The following IKBKB variants were observed in gnomAD, a reference collection of about 807,000 sequenced individuals.
IKBKB encodes the protein inhibitor of nuclear factor kappa-B kinase subunit beta.
A neutral mutation model predicts 113.6 loss-of-function variants in IKBKB; 42 were observed. The observed-to-expected ratio is 0.37, with a 90% confidence interval of 0.29 to 0.48. IKBKB has a LOEUF of 0.48. Ranked by LOEUF, IKBKB falls within the 20% of genes least tolerant of loss-of-function variation. The pLI, the probability that IKBKB is intolerant of heterozygous loss-of-function variation, is 0.99. For synonymous variants in IKBKB, 296 were observed against 361.3 expected (o/e 0.82, Z 2.05); for missense variants, 673 against 939.7 (o/e 0.72, Z 3.71).
chr8:42,292,452 G>A (rs772438120), intron 4 of IKBKB, among the ~76,000 whole-genome samples: 3 of 152,204 alleles, frequency 2.0e-5, no homozygotes, highest in Non-Finnish European at 4.4e-5. Context: ...AGCGGGGTTG[G>A]GGGAGGACAC....
chr8:42,328,324 C>G (rs980881119), intron 20 of IKBKB, among the ~76,000 whole-genome samples: 2 of 151,154 alleles, frequency 1.3e-5, no homozygotes, highest in Admixed American at 6.6e-5. Flanking sequence ...GTAGCTAGAC[C>G]GGGAGCCTGT....
intron 8 of IKBKB, among the ~76,000 whole-genome samples, chr8:42,310,185 G>A (rs771076088): frequency 7.2e-5 from 11 of 152,146 alleles, no homozygotes; most frequent in Non-Finnish European, 1.5e-5. Context: ...TTCCTTGAGA[G>A]GCCACACACT....
At chr8:42,275,689 G>A (rs1203467627) in intron 2 of IKBKB, among the ~76,000 whole-genome samples, 1 of 152,128 alleles carries the variant, frequency 6.6e-6, no homozygotes, top group East Asian at 1.9e-4. Flanking sequence ...TTTGTTCATT[G>A]ATGGACATTT....
rs1820689053 is a variant in IKBKB, at chr8:42,326,116, T to C, written c.2114+19T>C. 2 of 1,613,826 alleles carry C rather than the reference T, an allele frequency of 1.2e-6. No individual in the cohort carries two copies. The highest frequency in any genetic ancestry group is 1.7e-6 in the Non-Finnish European group (2 of 1,179,874). ...AGAAGAGGTAGGTCCTCCTTAGCAG[T>C]GCCAAGTGTGACCATCAAGGGCACG... On this transcript the variant is annotated intron_variant, in intron 20 of 21. Coordinates refer to ENST00000520810, the MANE Select transcript of IKBKB (RefSeq NM_001556.3).
chr8:42,297,659 C>T (rs1177092369), intron 5 of IKBKB, among the ~76,000 whole-genome samples: 1 of 152,174 alleles, frequency 6.6e-6, no homozygotes, highest in Non-Finnish European at 1.5e-5. Context: ...CTGTGGGAGG[C>T]TGAGGCAGAT....
At chr8:42,277,270 C>CCTCCTGTGTTCAAGCGATT (rs1809369993) in intron 2 of IKBKB, among the ~76,000 whole-genome samples, 1 of 150,368 alleles carries the variant, frequency 6.7e-6, no homozygotes, top group Non-Finnish European at 1.5e-5. Flanking sequence ...GCAACCTCTG[C>CCTCCTGTGTTCAAGCGATT]CTCCTGTGTT....
chr8:42,320,666 C>T, intron 15 of IKBKB, 69 bp from the exon 16 acceptor site: 1 of 1,296,118 alleles, frequency 7.7e-7, no homozygotes, highest in African/African-American at 1.5e-5. Flanking sequence ...TGGTCTCGCT[C>T]CCCCGCAGAT....
At chr8:42,313,396 A>G (rs143722347) in intron 8 of IKBKB, among the ~76,000 whole-genome samples, 2 of 152,314 alleles carry the variant, frequency 1.3e-5, no homozygotes, top group African/African-American at 4.8e-5. Context: ...GGCTGCAGTA[A>G]GTTATGATTG....
At chr8:42,272,666 G>T (rs981707949) in intron 2 of IKBKB, among the ~76,000 whole-genome samples, 1 of 152,084 alleles carries the variant, frequency 6.6e-6, no homozygotes, top group Non-Finnish European at 1.5e-5. Context: ...CCAGCTGGGC[G>T]TGGTGGCTTA....
intron 2 of IKBKB, 183 bp downstream of exon 2, chr8:42,272,388 A>T: frequency 1.5e-6 from 1 of 687,586 alleles, no homozygotes; most frequent in Non-Finnish European, 2.5e-6. Context: ...AGTGGTCTCC[A>T]TGCTTTATTG....
In IKBKB at chr8:42,316,677, C is replaced by A. The variant is rs755634734; in HGVS notation, c.931-33C>A. ...TAGATGGGCATTTCCTTGAAGAAATCGGTTTTCCAGTAACATCTGGGTTGT... is the reference window on the plus strand; with the variant it reads ...TAGATGGGCATTTCCTTGAAGAAATAGGTTTTCCAGTAACATCTGGGTTGT... On this transcript the variant is annotated intron_variant, in intron 10 of 21. Transcript: ENST00000520810. The surrounding 1 kb of genome is among the most constrained non-coding windows in gnomAD (Gnocchi z 4.5). The A allele has an allele frequency of 6.3e-6, 10 of 1,581,434 alleles. No homozygotes were observed. The highest frequency in any genetic ancestry group is 8.6e-6 in the Non-Finnish European group (10 of 1,159,668).
rs201560770 is a variant in IKBKB, at chr8:42,331,529, G to A, written c.*550G>A. The A allele has an allele frequency of 1.6e-6, 1 of 630,774 alleles. No individual in the cohort carries two copies. The allele number at this position is 630,774 out of a possible 1,614,324, so 39.1% of individuals were successfully genotyped here. A position where few individuals can be genotyped will look rare whatever the true frequency, so the allele number is the denominator to read the frequency against. On this transcript the variant is annotated 3_prime_UTR_variant, in exon 22 of 22. Transcript: ENST00000520810. ...GGATTCAGCTTCTCCTAAACAGACA[G>A]TTTAATTATAGTTGCGGCCTGGCCC...
intron 3 of IKBKB, among the ~76,000 whole-genome samples, chr8:42,289,882 T>C (rs745608575): frequency 2.6e-5 from 4 of 152,176 alleles, no homozygotes; most frequent in African/African-American, 7.2e-5. Flanking sequence ...AGGAGCAGTT[T>C]GGCAGCACGA....
At position 42,271,423 on chromosome 8, in the gene IKBKB, T is replaced by TG; in HGVS notation, c.-65_-64insG. On this transcript the variant is annotated 5_prime_UTR_variant, in exon 1 of 22. An upstream open reading frame in the 5' UTR loses its in-frame stop. Coordinates refer to ENST00000520810, the MANE Select transcript of IKBKB (RefSeq NM_001556.3). ...GGGTTTGGCCGCCCCAGCCCCGCCTTCCCCGCCCCGGGGAGCCCGCCCCCT... is the reference window on the plus strand; with the variant it reads ...GGGTTTGGCCGCCCCAGCCCCGCCTTGCCCCGCCCCGGGGAGCCCGCCCCCT... The TG allele has an allele frequency of 6.7e-7, 1 of 1,488,642 alleles. No homozygotes were observed. The highest frequency in any genetic ancestry group is 9.0e-7 in the Non-Finnish European group (1 of 1,111,954). 92.2% of individuals were successfully genotyped at this position (1,488,642 alleles called of 1,614,324 possible).
At chr8:42,325,424 A>T (rs1820555366) in intron 19 of IKBKB, 2 of 983,428 alleles carry the variant, frequency 2.0e-6, no homozygotes, top group Admixed American at 6.1e-5. Flanking sequence ...GCAGTGGATC[A>T]TGAATCCCAG....
rs34921450 is a variant in IKBKB at position 42,303,060 on chromosome 8, GGA to G, written c.389-2098_389-2097del. Among the ~76,000 whole-genome samples, 657 of 114,096 alleles carry G rather than the reference GGA, an allele frequency of 5.8e-3. 8 individuals carry two copies. The highest frequency in any genetic ancestry group is 0.024 in the Middle Eastern group (5 of 210). The allele number at this position is 114,096 out of a possible 152,430, so 74.9% of individuals were successfully genotyped here. On this transcript the variant is annotated intron_variant, in intron 5 of 21. Coordinates refer to ENST00000520810, the MANE Select transcript of IKBKB (RefSeq NM_001556.3). ...CTTCCCCTCCCCGGCTTGCCGAGAG[GGA>G]GAGAGAGAGAGAGAGAGAGAGAGAG...
At chr8:42,317,211 A>T in intron 11 of IKBKB, 1 of 289,818 alleles carries the variant, frequency 3.5e-6, no homozygotes, top group South Asian at 4.1e-5. Context: ...AAGTGTACTA[A>T]AAAAAAAAAA....
chr8:42,279,368 T>C (rs956764621), intron 2 of IKBKB, among the ~76,000 whole-genome samples: 1 of 152,220 alleles, frequency 6.6e-6, no homozygotes, highest in Non-Finnish European at 1.5e-5. Context: ...GTGTGCACTT[T>C]CCTGACACTC....
chr8:42,276,086 C>T (rs1014377249), intron 2 of IKBKB, among the ~76,000 whole-genome samples: 2 of 152,232 alleles, frequency 1.3e-5, no homozygotes, highest in Non-Finnish European at 2.9e-5. Flanking sequence ...GGTGATCCGC[C>T]TGCCTCAGCC....
Sources: allele counts gnomAD v4.1 joint callset (sites outside exome capture counted in the v4.1 genomes callset), GRCh38; gene constraint gnomAD v4.1.1; non-coding constraint Gnocchi (gnomAD v3.1); transcripts MANE v1.5; gene names NCBI Gene and HGNC (gene_info 2026-07-23, HGNC 2026-07-21).